The following ETV6 variants were observed in gnomAD, a reference collection of about 807,000 sequenced individuals.
ETV6 encodes transcription factor ETV6.
In ETV6, 16 loss-of-function variants were observed where a neutral mutation model predicts 51.1. The observed-to-expected ratio is 0.31, with a 90% CI of 0.21 to 0.48. ETV6 has a LOEUF of 0.48. ETV6 is among the 20% of genes least tolerant of loss of function. The pLI, the probability that ETV6 is intolerant of heterozygous loss-of-function variation, is 0.99. For missense variants in ETV6, 458 were observed against 594.8 expected, an observed-to-expected ratio of 0.77 and a Z score of 2.39; for synonymous variants, 240 against 224.1, an observed-to-expected ratio of 1.07 and a Z score of -0.64.
intron 1 of ETV6, among the ~76,000 whole-genome samples, chr12:11,710,918 A>C (rs1260736962): frequency 1.3e-5 from 2 of 152,186 alleles, no homozygotes; most frequent in African/African-American, 4.8e-5. Context: ...GTGTTTAAGC[A>C]GATCCTGGAG....
chr12:11,700,670 A>G (rs1254822613), intron 1 of ETV6, among the ~76,000 whole-genome samples: 2 of 152,232 alleles, frequency 1.3e-5, no homozygotes, highest in Non-Finnish European at 1.5e-5. Context: ...TAAGAAAATC[A>G]TAGGAGAAAA....
At chr12:11,768,433 A>G (rs1014797366) in intron 2 of ETV6, among the ~76,000 whole-genome samples, 2 of 152,126 alleles carry the variant, frequency 1.3e-5, no homozygotes, top group Admixed American at 6.5e-5. Context: ...GGGCTTAGAG[A>G]TGGTAAGTAA....
At chr12:11,853,648 G>T in intron 4 of ETV6, 87 bp downstream of exon 4, 9 of 1,466,576 alleles carry the variant, frequency 6.1e-6, no homozygotes, top group Non-Finnish European at 8.5e-6. Flanking sequence ...GGTCTTCTTC[G>T]TGTAAGTTCA....
intron 2 of ETV6, among the ~76,000 whole-genome samples, chr12:11,753,709 G>C (rs1176199639): frequency 3.3e-5 from 5 of 152,194 alleles, no homozygotes; most frequent in Non-Finnish European, 7.3e-5. Context: ...ACTGTGATAT[G>C]GGGGCTCCTG....
At chr12:11,785,493 G>A (rs1330057342) in intron 2 of ETV6, among the ~76,000 whole-genome samples, 1 of 152,008 alleles carries the variant, frequency 6.6e-6, no homozygotes, top group South Asian at 2.1e-4. Flanking sequence ...GGATTTTTCT[G>A]TTTCGTTCAT....
chr12:11,720,085 G>T (rs1045690291), intron 1 of ETV6, among the ~76,000 whole-genome samples: 1 of 152,238 alleles, frequency 6.6e-6, no homozygotes, highest in Non-Finnish European at 1.5e-5. Context: ...TTTGGCAAAG[G>T]ACGAGAAGCT....
At chr12:11,794,229 T>G (rs899776085) in intron 2 of ETV6, among the ~76,000 whole-genome samples, 1 of 152,164 alleles carries the variant, frequency 6.6e-6, no homozygotes, top group African/African-American at 2.4e-5. Flanking sequence ...AGAAGCAGCT[T>G]TAAGAGTGCA....
At chr12:11,686,886 T>G (rs1441643036) in intron 1 of ETV6, among the ~76,000 whole-genome samples, 1 of 152,170 alleles carries the variant, frequency 6.6e-6, no homozygotes, top group Admixed American at 6.5e-5. Flanking sequence ...AATACCTTTT[T>G]TTTTCTTTCT....
At chr12:11,758,327 C>T (rs1034615468) in intron 2 of ETV6, among the ~76,000 whole-genome samples, 1 of 152,158 alleles carries the variant, frequency 6.6e-6, no homozygotes, top group Non-Finnish European at 1.5e-5. Flanking sequence ...AGGTAGCTCA[C>T]CAAAGCTCCA....
chr12:11,816,979 A>T (rs545381935), intron 2 of ETV6, among the ~76,000 whole-genome samples: 35 of 152,294 alleles, frequency 2.3e-4, no homozygotes, highest in Admixed American at 9.2e-4. Flanking sequence ...AGTGGGCTGG[A>T]TAGGGGGCAG....
At chr12:11,839,107 C>CTT (rs1946354341) in intron 2 of ETV6, 33 bp from the exon 3 acceptor site, 1 of 1,597,678 alleles carries the variant, frequency 6.3e-7, no homozygotes, top group South Asian at 1.1e-5. Flanking sequence ...AGACCTTTCT[C>CTT]TCTTTCTTTC....
intron 1 of ETV6, among the ~76,000 whole-genome samples, chr12:11,681,944 C>G (rs1591605369): frequency 6.6e-6 from 1 of 152,074 alleles, no homozygotes; most frequent in South Asian, 2.1e-4. Flanking sequence ...ATATATGTGC[C>G]ATATTTTCTT....
chr12:11,734,062 G>A (rs1411996515), intron 1 of ETV6, among the ~76,000 whole-genome samples: 1 of 152,208 alleles, frequency 6.6e-6, no homozygotes, highest in Admixed American at 6.5e-5. Flanking sequence ...ACCAGGAGAT[G>A]CAGACCTGGC....
intron 4 of ETV6, among the ~76,000 whole-genome samples, chr12:11,859,043 C>G (rs1946672662): frequency 6.7e-6 from 1 of 149,138 alleles, no homozygotes; most frequent in Admixed American, 6.7e-5. Flanking sequence ...CCCAAGTGCC[C>G]AAAGACTGCT....
In ETV6 at chr12:11,893,925, A is replaced by C. The variant is rs1947348990; in HGVS notation, c.*2879A>C. The stretch of plus-strand genomic sequence containing the variant: ...GAGACCCAGAACACTTCTGGTCCCA[A>C]GCATTTCAGATAAGGGATATCAATC... On this transcript the variant is annotated 3_prime_UTR_variant, in exon 8 of 8. Transcript: ENST00000396373. 4.8e-6 allele frequency: 1 copy of C among 207,096 alleles called. No individual in the cohort carries two copies. The highest frequency in any genetic ancestry group is 9.8e-6 in the Non-Finnish European group (1 of 102,204). The allele number at this position is 207,096 out of a possible 1,614,324, so 12.8% of individuals were successfully genotyped here. A position where few individuals can be genotyped will look rare whatever the true frequency, so the allele number is the denominator to read the frequency against.
At chr12:11,816,436 G>A (rs1398838198) in intron 2 of ETV6, among the ~76,000 whole-genome samples, 1 of 151,998 alleles carries the variant, frequency 6.6e-6, no homozygotes, top group Non-Finnish European at 1.5e-5. Flanking sequence ...TGGTAGAGAC[G>A]GGGGTTTCAC....
chr12:11,703,300 G>T (rs1396719031), intron 1 of ETV6, among the ~76,000 whole-genome samples: 2 of 150,506 alleles, frequency 1.3e-5, no homozygotes, highest in Non-Finnish European at 3.0e-5. Context: ...GTTAACCTTT[G>T]CATTAGTCAG....
chr12:11,859,372 A>G (rs1395178059), intron 4 of ETV6, among the ~76,000 whole-genome samples: 1 of 151,538 alleles, frequency 6.6e-6, no homozygotes, highest in Non-Finnish European at 1.5e-5. Flanking sequence ...CGATCTCCTG[A>G]CCTCGTGATC....
chr12:11,742,805 C>CTTTTTTTTTTTTTTTTTTTTTTTTT (rs751007395), intron 1 of ETV6, among the ~76,000 whole-genome samples: 1 of 78,684 alleles, frequency 1.3e-5, no homozygotes, highest in African/African-American at 4.9e-5. Context: ...TTCTTTCTTT[C>CTTTTTTTTTTTTTTTTTTTTTTTTT]TTTTTTTTTT....
Sources: allele counts gnomAD v4.1 joint callset (sites outside exome capture counted in the v4.1 genomes callset), GRCh38; gene constraint gnomAD v4.1.1; transcripts MANE v1.5; gene names NCBI Gene and HGNC (gene_info 2026-07-23, HGNC 2026-07-21).